Variants in CERS6 observed in about 807,000 individuals in gnomAD.
CERS6 encodes the protein LAG1 homolog, ceramide synthase 6.
A neutral mutation model predicts 56.8 loss-of-function variants in CERS6; 26 were observed. The ratio of observed to expected loss-of-function variants is 0.46; its 90% confidence interval spans 0.34 to 0.63. The LOEUF (loss-of-function observed/expected upper bound fraction) is 0.63. Among genes scored for constraint, CERS6 ranks in the 30% least tolerant of loss-of-function variants. The probability of loss-of-function intolerance (pLI) is 0.01; values close to 1 mark genes in which losing one functional copy is unlikely to be tolerated. For synonymous variants in CERS6, 164 were observed against 173.3 expected (o/e 0.95, Z 0.42); for missense variants, 415 against 467.5 (o/e 0.89, Z 1.04).
intron 3 of CERS6, among the ~76,000 whole-genome samples, chr2:168,575,205 G>A (rs867113065): frequency 6.6e-6 from 1 of 152,094 alleles, no homozygotes; most frequent in Non-Finnish European, 1.5e-5. Context: ...CATTAGAATT[G>A]TTCAAAACAC....
chr2:168,622,016 C>A (rs922858516), intron 3 of CERS6, among the ~76,000 whole-genome samples: 1 of 152,158 alleles, frequency 6.6e-6, no homozygotes, highest in South Asian at 2.1e-4. Flanking sequence ...TGTACAGAAT[C>A]TTTTAATAAT....
intron 2 of CERS6, among the ~76,000 whole-genome samples, chr2:168,550,283 C>G (rs1171290878): frequency 6.6e-6 from 1 of 152,084 alleles, no homozygotes; most frequent in Non-Finnish European, 1.5e-5. Context: ...TCAAATGATC[C>G]TCTTGCTTCA....
At chr2:168,734,165 G>A (rs1683639843) in intron 8 of CERS6, among the ~76,000 whole-genome samples, 1 of 152,112 alleles carries the variant, frequency 6.6e-6, no homozygotes, top group African/African-American at 2.4e-5. Context: ...ATCCATGCAA[G>A]GGATTCTGGT....
At chr2:168,708,363 GT>G (rs1203942923) in intron 6 of CERS6, among the ~76,000 whole-genome samples, 3 of 152,090 alleles carry the variant, frequency 2.0e-5, no homozygotes, top group African/African-American at 7.2e-5. Context: ...AAGGAAAACT[GT>G]TTGTTATTGA....
chr2:168,535,926 A>G (rs73969240), intron 1 of CERS6, among the ~76,000 whole-genome samples: 257 of 151,768 alleles, frequency 1.7e-3, no homozygotes, highest in African/African-American at 5.8e-3. Flanking sequence ...ATGTTTATTG[A>G]TGTTTCCATT....
At chr2:168,664,622 C>G (rs1685711331) in intron 4 of CERS6, among the ~76,000 whole-genome samples, 1 of 152,128 alleles carries the variant, frequency 6.6e-6, no homozygotes, top group South Asian at 2.1e-4. Context: ...CCTTTTTAGA[C>G]CATATAGGGT....
intron 6 of CERS6, among the ~76,000 whole-genome samples, chr2:168,708,983 T>C (rs1352070820): frequency 6.6e-6 from 1 of 152,182 alleles, no homozygotes; most frequent in East Asian, 1.9e-4. Flanking sequence ...AAGATGAATT[T>C]GTAGTGCCTC....
At chr2:168,745,879 T>C (rs1021806839) in intron 8 of CERS6, among the ~76,000 whole-genome samples, 1 of 152,188 alleles carries the variant, frequency 6.6e-6, no homozygotes, top group Non-Finnish European at 1.5e-5. Flanking sequence ...TCTGAGGGGC[T>C]TATACTCACC....
chr2:168,572,727 A>G (rs1244643174), intron 3 of CERS6, among the ~76,000 whole-genome samples: 1 of 151,924 alleles, frequency 6.6e-6, no homozygotes, highest in African/African-American at 2.4e-5. Context: ...TTGCACTTCT[A>G]GTTGTTCTCT....
At chr2:168,506,790 G>A (rs1694685975) in intron 1 of CERS6, among the ~76,000 whole-genome samples, 1 of 152,106 alleles carries the variant, frequency 6.6e-6, no homozygotes, top group Non-Finnish European at 1.5e-5. Context: ...CAATTAGATT[G>A]CTAACTTTCC....
chr2:168,550,707 A>C (rs1695551474), intron 2 of CERS6, among the ~76,000 whole-genome samples: 1 of 152,098 alleles, frequency 6.6e-6, no homozygotes, highest in Non-Finnish European at 1.5e-5. Context: ...CCACTGCCCC[A>C]ACCCATGGGT....
intron 4 of CERS6, among the ~76,000 whole-genome samples, chr2:168,661,078 A>C (rs759638022): frequency 1.3e-5 from 2 of 152,156 alleles, no homozygotes; most frequent in African/African-American, 2.4e-5. Flanking sequence ...GTTCATACAC[A>C]GCCTGGACAA....
At chr2:168,643,471 T>G (rs922184152) in intron 4 of CERS6, among the ~76,000 whole-genome samples, 1 of 152,178 alleles carries the variant, frequency 6.6e-6, no homozygotes, top group Admixed American at 6.5e-5. Flanking sequence ...GTACAAGAAG[T>G]GTTGATAGCA....
At chr2:168,644,205 A>AG in intron 4 of CERS6, 2 of 925,910 alleles carry the variant, frequency 2.2e-6, no homozygotes, top group Non-Finnish European at 2.6e-6. Context: ...CAGAAGGGGG[A>AG]GGGAGGATTT....
chr2:168,766,329 A>C (rs1684728436), intron 9 of CERS6: 1 of 1,598,000 alleles, frequency 6.3e-7, no homozygotes, highest in Admixed American at 1.7e-5. Flanking sequence ...AAGGCTGGGA[A>C]GTGGAACCCT....
At chr2:168,690,923 A>G in intron 4 of CERS6, 111 bp from the exon 5 acceptor site, 2 of 890,064 alleles carry the variant, frequency 2.2e-6, no homozygotes, top group Non-Finnish European at 3.6e-6. Flanking sequence ...GTTCTCACAC[A>G]GGTAAATTAT....
chr2:168,710,903 A>G (rs1031738183), intron 6 of CERS6, among the ~76,000 whole-genome samples: 20 of 152,218 alleles, frequency 1.3e-4, no homozygotes, highest in Non-Finnish European at 1.9e-4. Context: ...GTAGGTTCTT[A>G]GGCCACTGCA....
rs114569745 is a variant in CERS6 at position 168,671,786 on chromosome 2, C to T, written c.466-19248C>T. Among the ~76,000 whole-genome samples the T allele has an allele frequency of 6.8e-3, 1,042 of 152,216 alleles. 16 individuals are homozygous for T. The highest frequency in any genetic ancestry group is 0.024 in the African/African-American group (1,006 of 41,520). On this transcript the variant is annotated intron_variant, in intron 4 of 9. Transcript: ENST00000305747. Reference sequence around the variant, plus strand: ...GAAGCTAAATTGATACATTTTCACCCAGCTTATATTATAAAATATGTATTT... The same window carrying T: ...GAAGCTAAATTGATACATTTTCACCTAGCTTATATTATAAAATATGTATTT...
chr2:168,724,431 C>A (rs1310609395), intron 8 of CERS6, among the ~76,000 whole-genome samples: 3 of 152,110 alleles, frequency 2.0e-5, no homozygotes, highest in African/African-American at 7.2e-5. Flanking sequence ...ACTGCTGGCT[C>A]GGGCAGCCTG....
Sources: allele counts gnomAD v4.1 joint callset (sites outside exome capture counted in the v4.1 genomes callset), GRCh38; gene constraint gnomAD v4.1.1; transcripts MANE v1.5; gene names NCBI Gene and HGNC (gene_info 2026-07-23, HGNC 2026-07-21).